The following CD300E variants were observed in gnomAD, a reference collection of about 807,000 sequenced individuals.
CD300E encodes the protein CMRF35-like molecule 2.
In CD300E, 14 loss-of-function variants were observed where a neutral mutation model predicts 20.9. The ratio of observed to expected loss-of-function variants is 0.67; its 90% CI spans 0.44 to 1.05. The LOEUF (loss-of-function observed/expected upper bound fraction) is 1.05, where lower values mean the gene tolerates loss of function less well. Among genes scored for constraint, CD300E ranks in the 50% least tolerant of loss-of-function variants. CD300E has a pLI of 0.00. For synonymous variants in CD300E, 102 were observed against 103.7 expected, an observed-to-expected ratio of 0.98 and a Z score of 0.10; for missense variants, 237 against 253.9, an observed-to-expected ratio of 0.93 and a Z score of 0.45.
intron 2 of CD300E, 29 bp from the exon 3 acceptor site, chr17:74,614,062 C>T (rs937833192): frequency 2.6e-6 from 4 of 1,550,336 alleles, no homozygotes; most frequent in South Asian, 1.1e-5. Context: ...ATGCATCAGC[C>T]GTGCCTGGGC....
chr17:74,620,860 T>C (rs1400736836), intron 1 of CD300E, among the ~76,000 whole-genome samples: 1 of 151,970 alleles, frequency 6.6e-6, no homozygotes, highest in Non-Finnish European at 1.5e-5. Context: ...CTGGCTAACA[T>C]GGTGAAATCT....
chr17:74,619,116 C>A (rs1299792959), intron 1 of CD300E: 1 of 471,424 alleles, frequency 2.1e-6, no homozygotes, highest in Non-Finnish European at 4.4e-6. Flanking sequence ...TCCACCTGCC[C>A]CCAGCTTCCT....
chr17:74,623,639 T>A lies in CD300E; in HGVS notation c.-18A>T. ...AGCCACATGTTCCTGTCTCCTTGGC[T>A]TCCGTCCTCAGCAAATCTAGGTCCC... On this transcript the variant is annotated 5_prime_UTR_variant, in exon 1 of 4. It adds an upstream start codon to the 5' untranslated region. Transcript: ENST00000392619. The A allele has an allele frequency of 1.9e-6, 3 of 1,614,148 alleles. No homozygotes were observed. Among genetic ancestry groups the A allele is most frequent in the Non-Finnish European group, 2.5e-6 (3 of 1,179,996 alleles).
chr17:74,615,954 T>G (rs1252454641), intron 2 of CD300E, among the ~76,000 whole-genome samples: 1 of 152,014 alleles, frequency 6.6e-6, no homozygotes, highest in African/African-American at 2.4e-5. Flanking sequence ...GGCATGGTAG[T>G]GCACACCTGA....
rs376810916 is a variant in CD300E, at chr17:74,619,278, T to G, written c.41-1813A>C. ...GCCGGGGCCTGCTTGTGCTGCTTCC[T>G]AAAGGGATCCTTGCTGGAGAGCTTG... On this transcript the variant is annotated intron_variant, in intron 1 of 3. Transcript: ENST00000392619. The G allele has an allele frequency of 7.3e-4, 286 of 393,672 alleles. 7 individuals carry two copies. Among genetic ancestry groups the G allele is most frequent in the South Asian group, 5.3e-3 (281 of 53,504 alleles). The allele number at this position is 393,672 out of a possible 1,614,324, so 24.4% of individuals were successfully genotyped here. A position where few individuals can be genotyped will look rare whatever the true frequency, so the allele number is the denominator to read the frequency against.
intron 2 of CD300E, among the ~76,000 whole-genome samples, chr17:74,616,865 C>T (rs1304257896): frequency 1.3e-5 from 2 of 152,148 alleles, no homozygotes; most frequent in African/African-American, 4.8e-5. Flanking sequence ...ATGAAGGGGC[C>T]TCCTCCACGC....
At position 74,611,355 on chromosome 17, in the gene CD300E, G is replaced by C. The variant is rs769078702; in HGVS notation, c.*1298C>G. 1.3e-5 allele frequency: 2 copies of C among 152,330 alleles called. No individual in the cohort carries two copies. Among genetic ancestry groups the C allele is most frequent in the Non-Finnish European group, 2.9e-5 (2 of 68,106 alleles). 9.4% of individuals were successfully genotyped at this position (152,330 alleles called of 1,614,324 possible). ...TGTGCTCTGGACACTGGCATCACTA[G>C]CTCAGGATGAGCTCAGGCCTGGGGG... On this transcript the variant is annotated 3_prime_UTR_variant, in exon 4 of 4. Transcript: ENST00000392619.
intron 1 of CD300E, among the ~76,000 whole-genome samples, chr17:74,622,245 G>A (rs539133340): frequency 2.5e-4 from 38 of 152,064 alleles, no homozygotes; most frequent in Admixed American, 4.6e-4. Context: ...GTCTGAGGAT[G>A]GGGAATGAGA....
intron 1 of CD300E, among the ~76,000 whole-genome samples, chr17:74,622,740 AT>A (rs61015443): frequency 2.0e-5 from 3 of 149,836 alleles, no homozygotes; most frequent in East Asian, 2.0e-4. Context: ...TGAGGATGGC[AT>A]TTTTTTTTTT....
At chr17:74,616,920 T>A (rs1364959115) in intron 2 of CD300E, among the ~76,000 whole-genome samples, 198 bp downstream of exon 2, 1 of 152,116 alleles carries the variant, frequency 6.6e-6, no homozygotes, top group East Asian at 1.9e-4. Context: ...TGATGGCGCC[T>A]GAGCTGTGCA....
intron 2 of CD300E, among the ~76,000 whole-genome samples, chr17:74,615,408 C>T (rs1007027459): frequency 3.3e-5 from 5 of 152,004 alleles, no homozygotes; most frequent in South Asian, 2.1e-4. Context: ...GTCCTCAACC[C>T]GAAAGGGAAA....
intron 1 of CD300E, among the ~76,000 whole-genome samples, chr17:74,622,805 T>C (rs559663853): frequency 1.2e-4 from 19 of 152,100 alleles, no homozygotes; most frequent in African/African-American, 4.3e-4. Flanking sequence ...TGGTGCAATC[T>C]CGGCTCACTG....
At chr17:74,621,039 T>G (rs2031010760) in intron 1 of CD300E, among the ~76,000 whole-genome samples, 1 of 150,526 alleles carries the variant, frequency 6.6e-6, no homozygotes, top group African/African-American at 2.4e-5. Context: ...CCAGACTCCC[T>G]CTCGAAAAAA....
rs1216264497 is a variant in CD300E, at chr17:74,612,224, G to GCTCTCTCTCTCTCT, written c.*415_*428dup. On this transcript the variant is annotated 3_prime_UTR_variant, in exon 4 of 4. Transcript: ENST00000392619. ...TTTTCTCTCTCTCTCTCTCTCTCTC[G>GCTCTCTCTCTCTCT]CTCTCTCTCTCTCTCTCTCTCTGTC... 1.1e-5 allele frequency: 1 copy of GCTCTCTCTCTCTCT among 94,968 alleles called. No individual in the cohort carries two copies. Among genetic ancestry groups the GCTCTCTCTCTCTCT allele is most frequent in the African/African-American group, 6.1e-5 (1 of 16,266 alleles). The allele number at this position is 94,968 out of a possible 1,614,324, so 5.9% of individuals were successfully genotyped here. A position where few individuals can be genotyped will look rare whatever the true frequency, so the allele number is the denominator to read the frequency against.
intron 3 of CD300E, 75 bp downstream of exon 3, chr17:74,613,850 C>T (rs930414017): frequency 1.5e-5 from 13 of 872,674 alleles, no homozygotes; most frequent in Admixed American, 6.2e-5. Context: ...TCTCAGGTCA[C>T]GGTGCGCCAC....
intron 3 of CD300E, among the ~76,000 whole-genome samples, chr17:74,613,398 G>A (rs761474308): frequency 6.6e-6 from 1 of 152,152 alleles, no homozygotes; most frequent in Non-Finnish European, 1.5e-5. Context: ...CACCACACCC[G>A]GCCACCACTC....
chr17:74,618,360 A>C (rs940518223), intron 1 of CD300E, among the ~76,000 whole-genome samples: 1 of 152,174 alleles, frequency 6.6e-6, no homozygotes, highest in Non-Finnish European at 1.5e-5. Flanking sequence ...TGGGTGTGAG[A>C]GAGAGGGAGA....
chr17:74,622,268 G>A (rs532615884), intron 1 of CD300E, among the ~76,000 whole-genome samples: 1 of 152,022 alleles, frequency 6.6e-6, no homozygotes, highest in South Asian at 2.1e-4. Context: ...GGGGTGGAAA[G>A]AGAGATGGAA....
rs1227704879 is a variant in CD300E, at chr17:74,610,341, C to A, written c.*2312G>T. 1 of 152,370 alleles carries A rather than the reference C, an allele frequency of 6.6e-6. No homozygotes were observed. The highest frequency in any genetic ancestry group is 2.4e-5 in the African/African-American group (1 of 41,420). The allele number at this position is 152,370 out of a possible 1,614,324, so 9.4% of individuals were successfully genotyped here. A position where few individuals can be genotyped will look rare whatever the true frequency, so the allele number is the denominator to read the frequency against. Reference sequence around the variant, plus strand: ...CTGAACTCTTCCCTCCATGTTTTCACTTCTTGCTGGGTTCCAGTTAATCTC... The same window carrying A: ...CTGAACTCTTCCCTCCATGTTTTCAATTCTTGCTGGGTTCCAGTTAATCTC... On this transcript the variant is annotated 3_prime_UTR_variant, in exon 4 of 4. Coordinates refer to ENST00000392619, the MANE Select transcript of CD300E (RefSeq NM_181449.3).
Sources: gnomAD v4.1 joint callset for allele counts (sites outside exome capture counted in the v4.1 genomes callset) on GRCh38, gnomAD v4.1.1 for gene constraint, MANE v1.5 for transcripts, NCBI Gene and HGNC (gene_info 2026-07-23, HGNC 2026-07-21) for gene names.